Variants in TRPM3 observed in about 807,000 individuals in gnomAD.
TRPM3 encodes long transient receptor potential channel 3.
A neutral mutation model predicts 181.2 loss-of-function variants in TRPM3; 77 were observed. The ratio of observed to expected loss-of-function variants is 0.42; its 90% confidence interval spans 0.35 to 0.51. TRPM3 has a LOEUF of 0.51. Ranked by LOEUF, TRPM3 falls within the 20% of genes least tolerant of loss-of-function variation. The pLI is 0.01. For missense variants in TRPM3, 1,759 were observed against 2,196.7 expected (o/e 0.80, Z 3.98); for synonymous variants, 745 against 796.4 (o/e 0.94, Z 1.09).
chr9:71,355,684 A>T (rs1787709209), intron 1 of TRPM3, among the ~76,000 whole-genome samples: 2 of 152,156 alleles, frequency 1.3e-5, no homozygotes. Flanking sequence ...TACATGTATT[A>T]TTTGTGGGCA....
intron 5 of TRPM3, among the ~76,000 whole-genome samples, chr9:70,839,543 T>G (rs1184127675): frequency 1.3e-5 from 2 of 152,194 alleles, no homozygotes; most frequent in African/African-American, 4.8e-5. Context: ...AAAGTGAAGC[T>G]TCTCATCTGA....
intron 12 of TRPM3, among the ~76,000 whole-genome samples, chr9:70,631,321 T>C (rs562419416): frequency 3.3e-4 from 50 of 151,918 alleles, no homozygotes; most frequent in Admixed American, 9.2e-4. Context: ...GATGGGATTA[T>C]GCAAATGTCC....
chr9:70,811,409 A>C (rs1041954395), intron 6 of TRPM3, among the ~76,000 whole-genome samples: 2 of 152,198 alleles, frequency 1.3e-5, no homozygotes, highest in African/African-American at 4.8e-5. Flanking sequence ...TGCACCAGCT[A>C]TATCTTGTCT....
intron 1 of TRPM3, among the ~76,000 whole-genome samples, chr9:71,079,309 T>G (rs1238900710): frequency 2.0e-5 from 3 of 152,060 alleles, no homozygotes; most frequent in African/African-American, 7.2e-5. Context: ...CAAGTTGCAG[T>G]TTAGAGTGAA....
chr9:71,393,952 A>T (rs2093127500), intron 1 of TRPM3, among the ~76,000 whole-genome samples: 1 of 152,214 alleles, frequency 6.6e-6, no homozygotes, highest in African/African-American at 2.4e-5. Flanking sequence ...ATGGATCCAT[A>T]GATAGTCTTC....
At chr9:71,140,062 A>G (rs2075003946) in intron 1 of TRPM3, among the ~76,000 whole-genome samples, 1 of 152,152 alleles carries the variant, frequency 6.6e-6, no homozygotes, top group Non-Finnish European at 1.5e-5. Flanking sequence ...TCATCTTGAA[A>G]CCATGAGGGA....
At chr9:70,912,947 C>T (rs1276626768) in intron 1 of TRPM3, among the ~76,000 whole-genome samples, 2 of 152,098 alleles carry the variant, frequency 1.3e-5, no homozygotes, top group African/African-American at 2.4e-5. Flanking sequence ...ACATTTACAT[C>T]GTTCCCAACA....
Position 71,121,556 on chromosome 9 carries a change from T to C in TRPM3, c.-202A>G. On this transcript the variant is annotated 5_prime_UTR_variant, in exon 1 of 26. Coordinates refer to ENST00000677713, the MANE Select transcript of TRPM3 (RefSeq NM_001366145.2). ...TGCTTCGGGGAGGGGATGCACGATT[T>C]TGAAGAAGAGGGACAGCCTGCACAA... 1.4e-6 allele frequency: 2 copies of C among 1,379,568 alleles called. No homozygotes were observed. Among genetic ancestry groups the C allele is most frequent in the Non-Finnish European group, 1.9e-6 (2 of 1,069,318 alleles). The allele number at this position is 1,379,568 out of a possible 1,614,324, so 85.5% of individuals were successfully genotyped here. A position where few individuals can be genotyped will look rare whatever the true frequency, so the allele number is the denominator to read the frequency against.
chr9:70,954,262 C>G (rs962912847), intron 1 of TRPM3, among the ~76,000 whole-genome samples: 2 of 152,146 alleles, frequency 1.3e-5, no homozygotes, highest in Non-Finnish European at 2.9e-5. Flanking sequence ...TTCCTCCAGC[C>G]CAGTGGCCAG....
At chr9:70,967,429 AG>A (rs1484982046) in intron 1 of TRPM3, among the ~76,000 whole-genome samples, 5 of 152,260 alleles carry the variant, frequency 3.3e-5, no homozygotes, top group South Asian at 2.1e-4. Flanking sequence ...AAGCAGAAAA[AG>A]CCCATGCATA....
At chr9:71,446,564 G>A in intron 1 of TRPM3, 2 of 1,354,278 alleles carry the variant, frequency 1.5e-6, no homozygotes, top group Non-Finnish European at 2.0e-6. Context: ...CACCCTTAGG[G>A]AGGCAAGTTC....
intron 1 of TRPM3, among the ~76,000 whole-genome samples, chr9:71,127,576 G>T (rs2074121645): frequency 6.6e-6 from 1 of 152,180 alleles, no homozygotes; most frequent in Non-Finnish European, 1.5e-5. Flanking sequence ...TTTCCACATT[G>T]TAAGAATGGG....
At chr9:71,116,616 A>G (rs944633104) in intron 1 of TRPM3, among the ~76,000 whole-genome samples, 15 of 152,190 alleles carry the variant, frequency 9.9e-5, no homozygotes, top group African/African-American at 2.9e-4. Context: ...TGCTGATCTG[A>G]TAACCCAACC....
At chr9:71,007,931 G>A (rs1012628978) in intron 1 of TRPM3, among the ~76,000 whole-genome samples, 6 of 151,922 alleles carry the variant, frequency 3.9e-5, no homozygotes, top group Non-Finnish European at 7.4e-5. Context: ...AAAGATCAGA[G>A]CAGAAATAAA....
intron 1 of TRPM3, among the ~76,000 whole-genome samples, chr9:71,164,799 C>T (rs1330318159): frequency 4.6e-5 from 7 of 152,240 alleles, no homozygotes; most frequent in African/African-American, 1.7e-4. Context: ...CTGATATATT[C>T]AGAGATGGTT....
At chr9:71,283,496 G>A (rs994939233) in intron 1 of TRPM3, among the ~76,000 whole-genome samples, 5 of 152,016 alleles carry the variant, frequency 3.3e-5, no homozygotes, top group African/African-American at 9.7e-5. Flanking sequence ...AGTAGAGATG[G>A]GGTTTCACCG....
intron 15 of TRPM3, 66 bp from the exon 16 acceptor site, chr9:70,620,431 G>C: frequency 6.6e-7 from 1 of 1,504,490 alleles, no homozygotes; most frequent in Non-Finnish European, 9.0e-7. Context: ...GCAAGTAGCA[G>C]TTGTATATCT....
chr9:71,059,155 C>T (rs1220513401), intron 1 of TRPM3, among the ~76,000 whole-genome samples: 4 of 149,432 alleles, frequency 2.7e-5, no homozygotes, highest in Admixed American at 6.8e-5. Flanking sequence ...AGAAGGAATG[C>T]GTTAAACATA....
chr9:71,178,634 C>T (rs546031842), intron 1 of TRPM3, among the ~76,000 whole-genome samples: 6 of 152,146 alleles, frequency 3.9e-5, no homozygotes, highest in African/African-American at 7.2e-5. Context: ...ATATTTATGG[C>T]ACTAGTAGTT....
Sources: allele counts gnomAD v4.1 joint callset (sites outside exome capture counted in the v4.1 genomes callset), GRCh38; gene constraint gnomAD v4.1.1; transcripts MANE v1.5; gene names NCBI Gene and HGNC (gene_info 2026-07-23, HGNC 2026-07-21).